The following FURIN variants were observed in gnomAD, a reference collection of about 807,000 sequenced individuals.
FURIN encodes the protein furin, paired basic amino acid cleaving enzyme.
Under a neutral mutation model 89.2 loss-of-function variants are expected in FURIN, and 18 were observed. The ratio of observed to expected loss-of-function variants is 0.20; its 90% confidence interval spans 0.14 to 0.30. The LOEUF (loss-of-function observed/expected upper bound fraction) is 0.30. FURIN is among the 10% of genes least tolerant of loss of function. The pLI, the probability that FURIN is intolerant of heterozygous loss-of-function variation, is 1.00. For synonymous variants in FURIN, 508 were observed against 466.4 expected, an observed-to-expected ratio of 1.09 and a Z score of -1.15; for missense variants, 879 against 1,100.5, an observed-to-expected ratio of 0.80 and a Z score of 2.85.
Position 90,881,925 on chromosome 15 carries a change from T to A in FURIN, c.*47T>A. Reference sequence around the variant, plus strand: ...CAAGCCAATCCCCTCCTTGGGCACTTTTTAATTCACCAAAGTATTTTTTTA... The same window carrying A: ...CAAGCCAATCCCCTCCTTGGGCACTATTTAATTCACCAAAGTATTTTTTTA... On this transcript the variant is annotated 3_prime_UTR_variant, in exon 16 of 16. Coordinates refer to ENST00000268171, the MANE Select transcript of FURIN (RefSeq NM_002569.4). This position sits in a 1 kb window ranked among gnomAD's most constrained non-coding sequence, Gnocchi z 4.3. The A allele has an allele frequency of 7.6e-7, 1 of 1,312,766 alleles. No individual in the cohort carries two copies. Among genetic ancestry groups the A allele is most frequent in the Non-Finnish European group, 1.1e-6 (1 of 936,486 alleles). 81.3% of individuals were successfully genotyped at this position (1,312,766 alleles called of 1,614,324 possible). A position where few individuals can be genotyped will look rare whatever the true frequency, so the allele number is the denominator to read the frequency against.
At chr15:90,874,240 T>C (rs2031481853) in intron 1 of FURIN, among the ~76,000 whole-genome samples, 1 of 152,234 alleles carries the variant, frequency 6.6e-6, no homozygotes. Context: ...TCCCGCCGTC[T>C]GTTTGCTGAA....
chr15:90,876,608 C>G lies in FURIN; in HGVS notation c.372+51C>G, dbSNP rs772626695. 1 of 1,184,900 alleles carries G rather than the reference C, an allele frequency of 8.4e-7. No homozygotes were observed. The highest frequency in any genetic ancestry group is 1.3e-6 in the Non-Finnish European group (1 of 793,442). The allele number at this position is 1,184,900 out of a possible 1,614,324, so 73.4% of individuals were successfully genotyped here. On this transcript the variant is annotated intron_variant, in intron 4 of 15. Transcript: ENST00000268171. This position sits in a 1 kb window ranked among gnomAD's most constrained non-coding sequence, Gnocchi z 5.0. ...ACCTCCTCCCCAGATGCACCATCCA[C>G]CCACTATGAGCTCTTGGATGGAGGA...
rs2032142721 is a variant in FURIN, at chr15:90,883,402, C to T, written c.*1524C>T. 1 of 152,690 alleles carries T rather than the reference C, an allele frequency of 6.5e-6. No homozygotes were observed. The highest frequency in any genetic ancestry group is 2.1e-4 in the South Asian group (1 of 4,838). The allele number at this position is 152,690 out of a possible 1,614,324, so 9.5% of individuals were successfully genotyped here. A position where few individuals can be genotyped will look rare whatever the true frequency, so the allele number is the denominator to read the frequency against. ...AGCATTGCTGGTTCTATTTAATGGA[C>T]ATGAGATAATGTTAGAGGTTTTAAA... is the stretch of plus-strand genomic sequence containing the variant. On this transcript the variant is annotated 3_prime_UTR_variant, in exon 16 of 16. Transcript: ENST00000268171.
In FURIN at chr15:90,881,835, G is replaced by T. The variant is rs747081762; in HGVS notation, c.2342G>T (p.Arg781Leu). ...CPSDSEEDEG[R>L]GERTAFIKDQ... ...TCTGACTCAGAAGAGGACGAGGGCC[G>T]GGGCGAGAGGACCGCCTTTATCAAA... is the stretch of plus-strand genomic sequence containing the variant. The change falls in exon 16 of 16, where the codon CGG becomes CTG. Residue 781 changes from arginine (R) to leucine (L), a missense_variant. Physicochemically the swap from Arg to Leu is moderately radical, Grantham distance 102. Transcript: ENST00000268171. This position sits in a 1 kb window ranked among gnomAD's most constrained non-coding sequence, Gnocchi z 4.3. 9.3e-6 allele frequency: 15 copies of T among 1,613,016 alleles called. No homozygotes were observed. In the Admixed American group the frequency reaches 2.2e-4, roughly 23 times the overall value.
intron 1 of FURIN, among the ~76,000 whole-genome samples, chr15:90,869,546 C>T (rs978500905): frequency 3.9e-5 from 6 of 152,206 alleles, no homozygotes; most frequent in African/African-American, 1.4e-4. Flanking sequence ...TGCTCAACTG[C>T]CCAATCCTGT....
chr15:90,880,632 G>C, intron 13 of FURIN, 59 bp from the exon 14 acceptor site: 1 of 1,559,524 alleles, frequency 6.4e-7, no homozygotes. Flanking sequence ...CTGTGGGTTA[G>C]ATGTCCCTGG....
At position 90,876,305 on chromosome 15, in the gene FURIN, C is replaced by T; in HGVS notation, c.228C>T (p.Ser76=). ...GGCATCGAGGAGTGACGAAGCGGTC[C>T]CTGTCGCCTCACCGCCCGCGGCACA... The part of the protein sequence containing the change: ...HFWHRGVTKR[S]LSPHRPRHSR... Residue 76 remains serine, a synonymous_variant, in exon 3 of 16, where the codon TCC becomes TCT. Coordinates refer to ENST00000268171, the MANE Select transcript of FURIN (RefSeq NM_002569.4). The surrounding 1 kb of genome is among the most constrained non-coding windows in gnomAD (Gnocchi z 5.0). The T allele has an allele frequency of 6.2e-7, 1 of 1,613,030 alleles. No individual in the cohort carries two copies.
rs767019213 is a variant in FURIN at position 90,879,761 on chromosome 15, T to C, written c.1245T>C (p.Gly415=). The C allele has an allele frequency of 6.2e-7, 1 of 1,613,520 alleles. No homozygotes were observed. Residue 415 remains glycine, a synonymous_variant, in exon 11 of 16, where the codon GGT becomes GGC. Coordinates refer to ENST00000268171, the MANE Select transcript of FURIN (RefSeq NM_002569.4). Reference sequence around the variant, plus strand: ...ATGCCAACGACTGGGCCACCAATGGTGTGGGCCGGAAAGGTGAGGGCAGGC... The same window carrying C: ...ATGCCAACGACTGGGCCACCAATGGCGTGGGCCGGAAAGGTGAGGGCAGGC... ...HLNANDWATN[G]VGRKVSHSYG...
rs759594039 is a variant in FURIN at position 90,880,196 on chromosome 15, G to C, written c.1479G>C (p.Leu493=). Residue 493 remains leucine, a synonymous_variant, in exon 13 of 16, where the codon CTG becomes CTC. Transcript: ENST00000268171. The part of the protein sequence containing the change: ...RLEHAQARLT[L]SYNRRGDLAI... ...AGCACGCTCAGGCGCGGCTCACCCT[G>C]TCCTATAATCGCCGTGGCGACCTGG... 1 of 1,612,706 alleles carries C rather than the reference G, an allele frequency of 6.2e-7. No homozygotes were observed. Among genetic ancestry groups the C allele is most frequent in the African/African-American group, 1.3e-5 (1 of 74,944 alleles).
chr15:90,877,998 G>A, intron 7 of FURIN, 134 bp from the exon 8 acceptor site: 1 of 776,106 alleles, frequency 1.3e-6, no homozygotes. Context: ...GGGGGTTCAG[G>A]GTTTCTCAGC....
In FURIN at chr15:90,879,078, G is replaced by T. The variant is rs28634912; in HGVS notation, c.1053+102G>T. On this transcript the variant is annotated intron_variant, in intron 9 of 15. Transcript: ENST00000268171. ...TGTCTGCCTCCACCCCCATGTGGCT[G>T]GGTGATAGTGGCTCAGGCATCATGC... 4 of 735,608 alleles carry T rather than the reference G, an allele frequency of 5.4e-6. No homozygotes were observed. The South Asian group carries it at 7.0e-5, about 13-fold the overall frequency. The allele number at this position is 735,608 out of a possible 1,614,324, so 45.6% of individuals were successfully genotyped here. A position where few individuals can be genotyped will look rare whatever the true frequency, so the allele number is the denominator to read the frequency against.
chr15:90,871,611 T>C (rs1241885826), intron 1 of FURIN: 1 of 6,324 alleles, frequency 1.6e-4, no homozygotes, highest in Non-Finnish European at 4.1e-4. Context: ...CCAGGGTAAG[T>C]AGCGAGGGCG....
intron 1 of FURIN, among the ~76,000 whole-genome samples, chr15:90,874,525 C>A (rs1157134951): frequency 2.0e-5 from 3 of 152,260 alleles, no homozygotes; most frequent in African/African-American, 7.2e-5. Context: ...GTGATCTCCA[C>A]CCCCGCACCC....
chr15:90,878,501 T>A (rs1419469909), intron 8 of FURIN, among the ~76,000 whole-genome samples, 197 bp downstream of exon 8: 4 of 152,234 alleles, frequency 2.6e-5, no homozygotes, highest in Non-Finnish European at 5.9e-5. Flanking sequence ...ACATTTTTTT[T>A]AGAAATGAGG....
rs904764036 is a variant in FURIN at position 90,878,061 on chromosome 15, C to T, written c.668-71C>T. The T allele has an allele frequency of 4.0e-6, 6 of 1,496,792 alleles. No homozygotes were observed. The African/African-American group carries it at 8.2e-5, about 21-fold the overall frequency. The allele number at this position is 1,496,792 out of a possible 1,614,324, so 92.7% of individuals were successfully genotyped here. On this transcript the variant is annotated intron_variant, in intron 7 of 15. Coordinates refer to ENST00000268171, the MANE Select transcript of FURIN (RefSeq NM_002569.4). ...CCCCTGGGGTGCAGGGCTGGGTGTG[C>T]TCCTTGGGGTGGGGGCCCTGACAGC...
At position 90,880,107 on chromosome 15, in the gene FURIN, C is replaced by A; in HGVS notation, c.1390C>A (p.Arg464=). 6.2e-7 allele frequency: 1 copy of A among 1,605,228 alleles called. No individual in the cohort carries two copies. Among genetic ancestry groups the A allele is most frequent in the Non-Finnish European group, 8.5e-7 (1 of 1,174,468 alleles). ...ILTEPKDIGK[R]LEVRKTVTAC... is the part of the protein sequence containing the mutation. ...TCTCCTGCACAGAGACATCGGGAAACGGCTCGAGGTGCGGAAGACCGTGAC... is the reference window on the plus strand; with the variant it reads ...TCTCCTGCACAGAGACATCGGGAAAAGGCTCGAGGTGCGGAAGACCGTGAC... Residue 464 remains arginine, a synonymous_variant, in exon 13 of 16, where the codon CGG becomes AGG. Coordinates refer to ENST00000268171, the MANE Select transcript of FURIN (RefSeq NM_002569.4).
Position 90,882,982 on chromosome 15 carries a change from C to T in FURIN, c.*1104C>T, listed in dbSNP as rs2032090538. On this transcript the variant is annotated 3_prime_UTR_variant, in exon 16 of 16. Transcript: ENST00000268171. ...CCAGGCGGGCTCAAGGAAAGGGGGT[C>T]CCAGTGGGAGGGGCAGGCTGACATC... is the stretch of plus-strand genomic sequence containing the variant. The T allele has an allele frequency of 6.6e-6, 1 of 152,370 alleles. No homozygotes were observed. Among genetic ancestry groups the T allele is most frequent in the African/African-American group, 2.4e-5 (1 of 41,388 alleles). The allele number at this position is 152,370 out of a possible 1,614,324, so 9.4% of individuals were successfully genotyped here.
chr15:90,878,296 G>A lies in FURIN; in HGVS notation c.832G>A (p.Val278Ile). The change falls in exon 8 of 16, where the codon GTT becomes ATT. Residue 278 changes from valine (V) to isoleucine (I), a missense_variant. Val to Ile is a conservative substitution (Grantham distance 29, BLOSUM62 3). Coordinates refer to ENST00000268171, the MANE Select transcript of FURIN (RefSeq NM_002569.4). ...CGCCGAGGAGGCCTTCTTCCGTGGG[G>A]TTAGCCAGGTGAGGTGGGGATCTGT... ...RLAEEAFFRG[V>I]SQGRGGLGSI... 6.3e-7 allele frequency: 1 copy of A among 1,593,340 alleles called. No homozygotes were observed. The highest frequency in any genetic ancestry group is 8.6e-7 in the Non-Finnish European group (1 of 1,167,522).
intron 1 of FURIN, among the ~76,000 whole-genome samples, chr15:90,871,102 A>T (rs2031263167): frequency 6.6e-6 from 1 of 152,094 alleles, no homozygotes; most frequent in South Asian, 2.1e-4. Context: ...TCCTCCCTCG[A>T]CCTGGGAGTG....
Sources: gnomAD v4.1 joint callset for allele counts (sites outside exome capture counted in the v4.1 genomes callset) on GRCh38, gnomAD v4.1.1 for gene constraint, Gnocchi (gnomAD v3.1) non-coding constraint, MANE v1.5 for transcripts, NCBI Gene and HGNC (gene_info 2026-07-23, HGNC 2026-07-21) for gene names.